Variants in FRMD4A observed in about 807,000 individuals in gnomAD.
FRMD4A encodes the protein FERM domain containing 4A.
Under a neutral mutation model 129.1 loss-of-function variants are expected in FRMD4A, and 29 were observed. That is an observed-to-expected ratio of 0.22 (90% confidence interval 0.17 to 0.31). FRMD4A has a LOEUF of 0.31. FRMD4A is among the 10% of genes least tolerant of loss of function. The pLI is 1.00. For missense variants in FRMD4A, 1,272 were observed against 1,375.8 expected (o/e 0.92, Z 1.19); for synonymous variants, 634 against 571.6 (o/e 1.11, Z -1.56).
chr10:13,925,880 GCT>G (rs1232809475), intron 2 of FRMD4A, among the ~76,000 whole-genome samples: 1 of 90,838 alleles, frequency 1.1e-5, no homozygotes, highest in South Asian at 4.5e-4. Context: ...ACTGCACCTG[GCT>G]CTTTTTTTTT....
At chr10:13,784,403 C>T (rs1481392886) in intron 5 of FRMD4A, among the ~76,000 whole-genome samples, 1 of 152,206 alleles carries the variant, frequency 6.6e-6, no homozygotes, top group Non-Finnish European at 1.5e-5. Flanking sequence ...ACAACAGCAG[C>T]AGCAAAAACA....
At chr10:13,754,933 C>G (rs1358987659) in intron 8 of FRMD4A, among the ~76,000 whole-genome samples, 1 of 151,990 alleles carries the variant, frequency 6.6e-6, no homozygotes, top group Middle Eastern at 3.2e-3. Context: ...GGAAATATGC[C>G]CCAAATGATC....
At chr10:14,237,583 G>A (rs1843872628) in intron 2 of FRMD4A, among the ~76,000 whole-genome samples, 1 of 152,096 alleles carries the variant, frequency 6.6e-6, no homozygotes, top group South Asian at 2.1e-4. Context: ...CACCCACCTT[G>A]GACTCCAAAA....
chr10:14,181,482 G>C (rs1357989523), intron 2 of FRMD4A, among the ~76,000 whole-genome samples: 6 of 152,114 alleles, frequency 3.9e-5, no homozygotes. Context: ...GTCACAGAGG[G>C]GAAGCAGTTG....
chr10:14,136,689 T>C (rs753280768), intron 2 of FRMD4A, among the ~76,000 whole-genome samples: 5 of 151,398 alleles, frequency 3.3e-5, no homozygotes, highest in Non-Finnish European at 5.9e-5. Flanking sequence ...CCGCTTCCAG[T>C]TGTCTCGCCT....
intron 2 of FRMD4A, among the ~76,000 whole-genome samples, chr10:14,317,340 A>C (rs1385509103): frequency 6.6e-6 from 1 of 152,090 alleles, no homozygotes; most frequent in Non-Finnish European, 1.5e-5. Context: ...CATTGCATTC[A>C]TGTATGCTGT....
At chr10:14,091,545 TG>T (rs1836662628) in intron 2 of FRMD4A, among the ~76,000 whole-genome samples, 1 of 152,214 alleles carries the variant, frequency 6.6e-6, no homozygotes, top group Admixed American at 6.5e-5. Context: ...GCGATCCTTC[TG>T]CCTCAGCCTC....
At chr10:13,798,916 T>C (rs1167370559) in intron 4 of FRMD4A, among the ~76,000 whole-genome samples, 1 of 152,210 alleles carries the variant, frequency 6.6e-6, no homozygotes, top group Non-Finnish European at 1.5e-5. Flanking sequence ...CCTTAGCTCA[T>C]GCTGTTCCTT....
At chr10:14,067,361 T>A (rs1835111788) in intron 2 of FRMD4A, among the ~76,000 whole-genome samples, 1 of 151,980 alleles carries the variant, frequency 6.6e-6, no homozygotes, top group Admixed American at 6.6e-5. Flanking sequence ...GACAAGTATT[T>A]AGACAATAAC....
intron 2 of FRMD4A, among the ~76,000 whole-genome samples, chr10:13,969,118 C>T (rs537614824): frequency 1.4e-4 from 21 of 152,314 alleles, no homozygotes; most frequent in Non-Finnish European, 2.4e-4. Context: ...TGCTCTGGGC[C>T]GCCTCTTCTT....
chr10:13,954,422 C>T (rs1185672659), intron 2 of FRMD4A, among the ~76,000 whole-genome samples: 1 of 152,164 alleles, frequency 6.6e-6, no homozygotes, highest in Non-Finnish European at 1.5e-5. Context: ...CATCAGATCT[C>T]CTGAAACTTA....
At chr10:14,150,999 G>A (rs1255063998) in intron 2 of FRMD4A, among the ~76,000 whole-genome samples, 1 of 152,120 alleles carries the variant, frequency 6.6e-6, no homozygotes, top group Non-Finnish European at 1.5e-5. Flanking sequence ...CACACGCCTA[G>A]GAATTTTACA....
At chr10:13,766,769 A>G (rs2092301356) in intron 6 of FRMD4A, among the ~76,000 whole-genome samples, 1 of 152,134 alleles carries the variant, frequency 6.6e-6, no homozygotes, top group African/African-American at 2.4e-5. Context: ...AAAATTTCCC[A>G]TGGTACTTCA....
At chr10:13,916,196 C>G (rs2095002486) in intron 2 of FRMD4A, among the ~76,000 whole-genome samples, 1 of 152,218 alleles carries the variant, frequency 6.6e-6, no homozygotes, top group East Asian at 1.9e-4. Flanking sequence ...TTCATTCTCT[C>G]TTCCCCACCA....
At chr10:14,197,505 C>T (rs1842506606) in intron 2 of FRMD4A, among the ~76,000 whole-genome samples, 3 of 152,122 alleles carry the variant, frequency 2.0e-5, no homozygotes, top group South Asian at 4.1e-4. Flanking sequence ...GGATTACAGG[C>T]GTCCGCCATC....
chr10:13,983,103 G>A (rs2095568077), intron 2 of FRMD4A, among the ~76,000 whole-genome samples: 1 of 152,130 alleles, frequency 6.6e-6, no homozygotes, highest in African/African-American at 2.4e-5. Context: ...TGGGGCTATA[G>A]GCGTGTGCCA....
chr10:14,031,666 G>C (rs150886598), intron 2 of FRMD4A, among the ~76,000 whole-genome samples: 23 of 152,198 alleles, frequency 1.5e-4, no homozygotes, highest in African/African-American at 5.1e-4. Context: ...AGCTCTAGGC[G>C]AAGCTCTTAG....
chr10:13,712,215 G>A (rs984979896), intron 12 of FRMD4A, among the ~76,000 whole-genome samples: 1 of 152,086 alleles, frequency 6.6e-6, no homozygotes, highest in Non-Finnish European at 1.5e-5. Flanking sequence ...AAAACACAAC[G>A]ACAACTGTGA....
intron 2 of FRMD4A, among the ~76,000 whole-genome samples, chr10:14,176,262 C>G (rs1841722628): frequency 6.6e-6 from 1 of 152,116 alleles, no homozygotes; most frequent in African/African-American, 2.4e-5. Context: ...GCCCTTCCAT[C>G]TATCATTGCA....
Sources: allele counts gnomAD v4.1 joint callset (sites outside exome capture counted in the v4.1 genomes callset), GRCh38; gene constraint gnomAD v4.1.1; transcripts MANE v1.5; gene names NCBI Gene and HGNC (gene_info 2026-07-23, HGNC 2026-07-21).